TMEM132B: variants seen among roughly 807,000 people sequenced by gnomAD.
TMEM132B encodes transmembrane protein 132B.
In TMEM132B, 18 loss-of-function variants were observed where a neutral mutation model predicts 90.8. The observed-to-expected ratio is 0.20, with a 90% CI of 0.14 to 0.29. The LOEUF (loss-of-function observed/expected upper bound fraction) is 0.29. Ranked by LOEUF, TMEM132B falls within the 10% of genes least tolerant of loss-of-function variation. TMEM132B has a pLI of 1.00. For synonymous variants in TMEM132B, 504 were observed against 523.3 expected, an observed-to-expected ratio of 0.96 and a Z score of 0.50; for missense variants, 1,096 against 1,326.8, an observed-to-expected ratio of 0.83 and a Z score of 2.70.
chr12:125,432,383 A>ATG, intron 3 of TMEM132B, among the ~76,000 whole-genome samples: 1 of 80,850 alleles, frequency 1.2e-5, no homozygotes, highest in Admixed American at 1.4e-4. Flanking sequence ...ATATATATAT[A>ATG]TATATATATA....
intron 2 of TMEM132B, among the ~76,000 whole-genome samples, chr12:125,377,677 C>G (rs1878536986): frequency 6.6e-6 from 1 of 150,694 alleles, no homozygotes; most frequent in Non-Finnish European, 1.5e-5. Context: ...TAGTTCTGAT[C>G]TCTCTCATGG....
intron 2 of TMEM132B, among the ~76,000 whole-genome samples, chr12:125,393,845 G>A (rs1879096747): frequency 1.3e-5 from 2 of 152,202 alleles, no homozygotes; most frequent in South Asian, 4.1e-4. Context: ...TGTCACAGGA[G>A]GAAGAAGCTG....
At chr12:125,493,190 G>T (rs968956202) in intron 3 of TMEM132B, among the ~76,000 whole-genome samples, 1 of 152,212 alleles carries the variant, frequency 6.6e-6, no homozygotes, top group Non-Finnish European at 1.5e-5. Context: ...TGGCCAGACT[G>T]CTGGGAGCAC....
At chr12:125,535,061 T>A (rs964151159) in intron 4 of TMEM132B, among the ~76,000 whole-genome samples, 2 of 152,200 alleles carry the variant, frequency 1.3e-5, no homozygotes, top group African/African-American at 2.4e-5. Context: ...GCCTAGGTAT[T>A]TATTAATTGT....
rs182874151 is a variant in TMEM132B at position 125,282,204 on chromosome 12, C to G, written c.68-67248C>G. Among the ~76,000 whole-genome samples, 147 of 152,132 alleles carry G rather than the reference C, an allele frequency of 9.7e-4. 1 individual carries two copies. The highest frequency in any genetic ancestry group is 3.5e-3 in the African/African-American group (145 of 41,498). On this transcript the variant is annotated intron_variant, in intron 1 of 8. Transcript: ENST00000682704. ...ATCTGAGCTTGCCTTCTTACTACAC[C>G]CTTCTGTAAACCCTTTGCTGCACTC...
At chr12:125,532,675 C>T (rs572486940) in intron 4 of TMEM132B, among the ~76,000 whole-genome samples, 1 of 152,108 alleles carries the variant, frequency 6.6e-6, no homozygotes, top group East Asian at 1.9e-4. Flanking sequence ...CCACCATGCC[C>T]AGCTAATTTT....
At chr12:125,572,663 A>G (rs1884829138) in intron 4 of TMEM132B, among the ~76,000 whole-genome samples, 2 of 152,250 alleles carry the variant, frequency 1.3e-5, no homozygotes, top group Non-Finnish European at 1.5e-5. Context: ...TCACAGAGAT[A>G]CTTTGGCACT....
rs775349963 is a variant in TMEM132B, at chr12:125,653,895, C to T, written c.2437C>T (p.Arg813Trp). 8.7e-6 allele frequency: 14 copies of T among 1,613,932 alleles called. No individual in the cohort carries two copies. The highest frequency in any genetic ancestry group is 1.0e-5 in the Non-Finnish European group (12 of 1,180,042). Residue 813 changes from arginine to tryptophan, a missense_variant, in exon 9 of 9, where the codon CGG (arginine) becomes TGG (tryptophan). Coordinates refer to ENST00000682704, the MANE Select transcript of TMEM132B (RefSeq NM_001366854.1). The part of the protein sequence containing the change: ...GGSNDIEGIN[R>W]EYKDHLSNSI... ...CAGCAATGATATTGAGGGCATAAATCGGGAATATAAAGACCACCTCAGTAA... is the reference window on the plus strand; with the variant it reads ...CAGCAATGATATTGAGGGCATAAATTGGGAATATAAAGACCACCTCAGTAA...
At chr12:125,576,932 T>G (rs1326334050) in intron 4 of TMEM132B, among the ~76,000 whole-genome samples, 1 of 151,652 alleles carries the variant, frequency 6.6e-6, no homozygotes, top group Admixed American at 6.6e-5. Flanking sequence ...ATTAGGGATA[T>G]TGGCCTGTAG....
chr12:125,406,966 C>T lies in TMEM132B; in HGVS notation c.960-8565C>T, dbSNP rs929039101. 4.6e-5 allele frequency among the ~76,000 whole-genome samples: 7 copies of T among 152,154 alleles called. No homozygotes were observed. The highest frequency in any genetic ancestry group is 1.9e-4 in the East Asian group (1 of 5,186). On this transcript the variant is annotated intron_variant, in intron 2 of 8. Transcript: ENST00000682704. This position sits in a 1 kb window ranked among gnomAD's most constrained non-coding sequence, Gnocchi z 8.3. ...CCCAGTTGACCTTTCCCAGTGGAGT[C>T]GTATGGACAGCATTTGCTTCTCCCA...
chr12:125,411,547 G>A (rs776019047), intron 2 of TMEM132B, among the ~76,000 whole-genome samples: 1 of 151,984 alleles, frequency 6.6e-6, no homozygotes, highest in Non-Finnish European at 1.5e-5. Context: ...AATAAAAACC[G>A]GAGATGCCCA....
chr12:125,190,505 AG>A (rs1957792103), intron 1 of TMEM132B, among the ~76,000 whole-genome samples: 1 of 86,690 alleles, frequency 1.2e-5, no homozygotes, highest in Non-Finnish European at 2.2e-5. Flanking sequence ...GGTGATGGGA[AG>A]GGGTGGTGAT....
At chr12:125,418,274 G>A (rs906813803) in intron 3 of TMEM132B, among the ~76,000 whole-genome samples, 2 of 151,806 alleles carry the variant, frequency 1.3e-5, no homozygotes, top group Non-Finnish European at 2.9e-5. Flanking sequence ...AAAAAAAAAG[G>A]TTACAGGGGA....
intron 3 of TMEM132B, among the ~76,000 whole-genome samples, chr12:125,465,158 G>A (rs1881531788): frequency 6.6e-6 from 1 of 152,190 alleles, no homozygotes; most frequent in Admixed American, 6.5e-5. Flanking sequence ...TAGCTGGATG[G>A]TATTGGACAT....
chr12:125,206,778 G>A (rs192326625), intron 1 of TMEM132B, among the ~76,000 whole-genome samples: 3 of 152,334 alleles, frequency 2.0e-5, no homozygotes, highest in Admixed American at 2.0e-4. Flanking sequence ...TTCATTTCGA[G>A]TTGTTAGCAT....
chr12:125,572,084 C>T (rs370957367), intron 4 of TMEM132B, among the ~76,000 whole-genome samples: 4 of 152,110 alleles, frequency 2.6e-5, no homozygotes, highest in African/African-American at 9.7e-5. Context: ...TCTGATATTT[C>T]CTTATTATTA....
chr12:125,403,377 C>T (rs1334617559), intron 2 of TMEM132B, among the ~76,000 whole-genome samples: 1 of 152,198 alleles, frequency 6.6e-6, no homozygotes, highest in Non-Finnish European at 1.5e-5. Flanking sequence ...AAATAAAACT[C>T]GTTGTATGCT....
At chr12:125,622,700 T>G in intron 5 of TMEM132B, 1 of 982,924 alleles carries the variant, frequency 1.0e-6, no homozygotes, top group Non-Finnish European at 1.2e-6. Flanking sequence ...CTTTTCAGCT[T>G]GGGCCTTTCC....
At chr12:125,569,787 C>T (rs1884746255) in intron 4 of TMEM132B, among the ~76,000 whole-genome samples, 1 of 152,152 alleles carries the variant, frequency 6.6e-6, no homozygotes, top group South Asian at 2.1e-4. Context: ...TGCCACTCTC[C>T]TGGCAGAAAA....
Sources: gnomAD v4.1 joint callset for allele counts (sites outside exome capture counted in the v4.1 genomes callset) on GRCh38, gnomAD v4.1.1 for gene constraint, Gnocchi (gnomAD v3.1) non-coding constraint, MANE v1.5 for transcripts, NCBI Gene and HGNC (gene_info 2026-07-23, HGNC 2026-07-21) for gene names.